Variants in GAREM1 observed in about 807,000 individuals in gnomAD.
GAREM1 encodes GRB2-associated and regulator of MAPK protein 1.
A neutral mutation model predicts 71.3 loss-of-function variants in GAREM1; 26 were observed. The ratio of observed to expected loss-of-function variants is 0.36; its 90% CI spans 0.27 to 0.51. The LOEUF (loss-of-function observed/expected upper bound fraction) is 0.51, where lower values mean the gene tolerates loss of function less well. GAREM1 is among the 20% of genes least tolerant of loss of function. The probability of loss-of-function intolerance (pLI) is 0.95; values close to 1 mark genes in which losing one functional copy is unlikely to be tolerated. For synonymous variants in GAREM1, 440 were observed against 433.2 expected, an observed-to-expected ratio of 1.02 and a Z score of -0.20; for missense variants, 1,026 against 1,103.1, an observed-to-expected ratio of 0.93 and a Z score of 0.99.
Position 32,416,942 on chromosome 18 carries a change from T to C in GAREM1, c.122-23907A>G, listed in dbSNP as rs534588703. On this transcript the variant is annotated intron_variant, in intron 1 of 5. Coordinates refer to ENST00000269209, the MANE Select transcript of GAREM1 (RefSeq NM_001242409.2). ...AATGAAGTGAAGACAACCCACAGAA[T>C]GGGAGAAAATATTTGCAAACTCCTC... 2.0e-5 allele frequency among the ~76,000 whole-genome samples: 3 copies of C among 152,188 alleles called. No individual in the cohort carries two copies. In the East Asian group the frequency reaches 5.8e-4, roughly 29 times the overall value.
rs150658635 is a variant in GAREM1 at position 32,355,859 on chromosome 18, A to G, written c.262+37036T>C. ...TTGGACAAAAAAGAATGCACAGTAC[A>G]GTTGAACAGGAAAATTCCATATACA... On this transcript the variant is annotated intron_variant, in intron 2 of 5. Transcript: ENST00000269209. Among the ~76,000 whole-genome samples the G allele has an allele frequency of 8.6e-3, 1,303 of 152,352 alleles. 21 individuals are homozygous for G. The highest frequency in any genetic ancestry group is 0.03 in the African/African-American group (1,235 of 41,588).
chr18:32,461,973 A>T (rs2048957427), intron 1 of GAREM1, among the ~76,000 whole-genome samples: 1 of 152,202 alleles, frequency 6.6e-6, no homozygotes, highest in African/African-American at 2.4e-5. Context: ...GCAGCCAATG[A>T]GTGAAAGAGA....
At chr18:32,353,698 A>G (rs972769243) in intron 2 of GAREM1, among the ~76,000 whole-genome samples, 10 of 152,214 alleles carry the variant, frequency 6.6e-5, no homozygotes, top group African/African-American at 2.2e-4. Flanking sequence ...CTTCATTACA[A>G]TCATACCACC....
At chr18:32,352,722 T>C (rs530861952) in intron 2 of GAREM1, among the ~76,000 whole-genome samples, 2 of 152,194 alleles carry the variant, frequency 1.3e-5, no homozygotes, top group South Asian at 4.2e-4. Context: ...ACACCTGTGA[T>C]CACACCTGTG....
intron 4 of GAREM1, among the ~76,000 whole-genome samples, chr18:32,279,540 T>A (rs1278552815): frequency 6.6e-6 from 1 of 152,174 alleles, no homozygotes; most frequent in Non-Finnish European, 1.5e-5. Context: ...CTGTCTCCCA[T>A]CACCCCCAGA....
chr18:32,324,620 T>C (rs989065129), intron 2 of GAREM1, among the ~76,000 whole-genome samples: 5 of 152,198 alleles, frequency 3.3e-5, no homozygotes, highest in Non-Finnish European at 7.3e-5. Flanking sequence ...CAGTCCAAAT[T>C]CTAACACCCA....
At chr18:32,294,518 G>A (rs1439649271) in intron 3 of GAREM1, among the ~76,000 whole-genome samples, 1 of 152,144 alleles carries the variant, frequency 6.6e-6, no homozygotes. Flanking sequence ...CTTTATTGTA[G>A]TACATTAAAT....
At chr18:32,433,621 A>G (rs969196798) in intron 1 of GAREM1, among the ~76,000 whole-genome samples, 1 of 152,114 alleles carries the variant, frequency 6.6e-6, no homozygotes, top group African/African-American at 2.4e-5. Flanking sequence ...GCTGAAGAAT[A>G]TCAAGCCAAT....
intron 1 of GAREM1, among the ~76,000 whole-genome samples, chr18:32,400,147 C>T (rs2048299082): frequency 6.6e-6 from 1 of 152,170 alleles, no homozygotes; most frequent in African/African-American, 2.4e-5. Flanking sequence ...TGGATCTCTT[C>T]CTTACACCTT....
At chr18:32,289,024 G>A (rs916696276) in intron 3 of GAREM1, among the ~76,000 whole-genome samples, 4 of 152,118 alleles carry the variant, frequency 2.6e-5, no homozygotes, top group African/African-American at 9.7e-5. Context: ...TATTTCCTTA[G>A]GATAAAGTAC....
At chr18:32,462,937 C>G (rs1173694416) in intron 1 of GAREM1, among the ~76,000 whole-genome samples, 1 of 151,960 alleles carries the variant, frequency 6.6e-6, no homozygotes, top group African/African-American at 2.4e-5. Flanking sequence ...AAAAGCGGGG[C>G]AACTGGGGGA....
intron 2 of GAREM1, among the ~76,000 whole-genome samples, chr18:32,357,139 CCTTACTT>C (rs1011350514): frequency 2.6e-5 from 4 of 152,096 alleles, no homozygotes; most frequent in African/African-American, 9.7e-5. Flanking sequence ...AATACTACCT[CCTTACTT>C]GTTACTCAGG....
At chr18:32,305,448 C>G (rs2047244452) in intron 3 of GAREM1, among the ~76,000 whole-genome samples, 1 of 152,186 alleles carries the variant, frequency 6.6e-6, no homozygotes, top group African/African-American at 2.4e-5. Context: ...TCAAACATAT[C>G]TATCTCATAA....
At chr18:32,361,060 A>C (rs148451389) in intron 2 of GAREM1, among the ~76,000 whole-genome samples, 4 of 152,330 alleles carry the variant, frequency 2.6e-5, no homozygotes, top group African/African-American at 9.6e-5. Flanking sequence ...TCATTGTTAG[A>C]TTTTGCCATG....
chr18:32,408,188 A>G (rs992778299), intron 1 of GAREM1, among the ~76,000 whole-genome samples: 1 of 152,140 alleles, frequency 6.6e-6, no homozygotes, highest in Non-Finnish European at 1.5e-5. Flanking sequence ...CTGATTGTAG[A>G]GGCTGTATTA....
At position 32,270,259 on chromosome 18, in the gene GAREM1, G is replaced by A. The variant is rs775164120; in HGVS notation, c.1691C>T (p.Pro564Leu). ...AGAATAGTAGGACAAGGTGGGGCTGGGAGAGCGAGTCTGTTGCCGCGCTGG... is the reference window on the plus strand; with the variant it reads ...AGAATAGTAGGACAAGGTGGGGCTGAGAGAGCGAGTCTGTTGCCGCGCTGG... ...VKPARQQTRS[P>L]SPTLSYYSSG... Residue 564 changes from proline to leucine, a missense_variant, in exon 5 of 6, where the codon CCC (proline) becomes CTC (leucine). Physicochemically the swap from Pro to Leu is moderately conservative, Grantham distance 98. This residue lies in a region of GAREM1 where 636 missense variants were observed against 631.2 expected (regional missense o/e 1.01). Transcript: ENST00000269209. 10 of 1,613,904 alleles carry A rather than the reference G, an allele frequency of 6.2e-6. No homozygotes were observed. Among genetic ancestry groups the A allele is most frequent in the African/African-American group, 1.3e-5 (1 of 74,924 alleles).
chr18:32,453,739 G>A (rs1016424343), intron 1 of GAREM1, among the ~76,000 whole-genome samples: 5 of 152,128 alleles, frequency 3.3e-5, no homozygotes, highest in South Asian at 4.1e-4. Flanking sequence ...AGGTTCCAGG[G>A]ATTTCGATGT....
intron 3 of GAREM1, among the ~76,000 whole-genome samples, chr18:32,301,310 T>G (rs973554363): frequency 2.6e-5 from 4 of 152,222 alleles, no homozygotes; most frequent in African/African-American, 9.6e-5. Context: ...CTTATGGAGT[T>G]TGAAGGAGTT....
At chr18:32,398,598 C>T (rs1382432353) in intron 1 of GAREM1, among the ~76,000 whole-genome samples, 3 of 152,022 alleles carry the variant, frequency 2.0e-5, no homozygotes, top group Non-Finnish European at 4.4e-5. Flanking sequence ...ACACATACAC[C>T]CTCCCAAGAC....
Sources: gnomAD v4.1 joint callset for allele counts (sites outside exome capture counted in the v4.1 genomes callset) on GRCh38, gnomAD v4.1.1 for gene constraint, gnomAD v4.1.1 regional missense constraint, MANE v1.5 for transcripts, NCBI Gene and HGNC (gene_info 2026-07-23, HGNC 2026-07-21) for gene names.